KCNIP4: variants seen among roughly 807,000 people sequenced by gnomAD.
KCNIP4 encodes the protein potassium voltage-gated channel interacting protein 4, also known as Kv channel-interacting protein 4.
In KCNIP4, 12 loss-of-function variants were observed where a neutral mutation model predicts 34.0. The ratio of observed to expected loss-of-function variants is 0.35; its 90% confidence interval spans 0.23 to 0.57. KCNIP4 has a LOEUF of 0.57. KCNIP4 is among the 20% of genes least tolerant of loss of function. KCNIP4 has a pLI of 0.83. For missense variants in KCNIP4, 238 were observed against 311.7 expected (o/e 0.76, Z 1.78); for synonymous variants, 124 against 102.2 (o/e 1.21, Z -1.29).
intron 1 of KCNIP4, among the ~76,000 whole-genome samples, chr4:21,859,092 G>A (rs1465516687): frequency 6.6e-6 from 1 of 152,112 alleles, no homozygotes; most frequent in African/African-American, 2.4e-5. Context: ...ATCAGACATA[G>A]GACATAAGAC....
chr4:21,251,272 A>T (rs1760677162), intron 1 of KCNIP4, among the ~76,000 whole-genome samples: 1 of 152,212 alleles, frequency 6.6e-6, no homozygotes, highest in Non-Finnish European at 1.5e-5. Context: ...GGAAAATTAT[A>T]CAGGAGAGGA....
intron 4 of KCNIP4, among the ~76,000 whole-genome samples, chr4:20,756,091 T>G (rs1351122319): frequency 2.0e-5 from 3 of 151,782 alleles, no homozygotes; most frequent in Non-Finnish European, 4.4e-5. Flanking sequence ...GGAGGGGTCA[T>G]CAGAATCAGA....
intron 1 of KCNIP4, among the ~76,000 whole-genome samples, chr4:21,598,759 C>T (rs1223208305): frequency 6.6e-6 from 1 of 152,056 alleles, no homozygotes. Flanking sequence ...CACATGAGCA[C>T]CCTGGTTCTT....
intron 1 of KCNIP4, among the ~76,000 whole-genome samples, chr4:20,978,452 G>A (rs954060373): frequency 2.0e-5 from 3 of 152,116 alleles, no homozygotes; most frequent in Admixed American, 6.5e-5. Flanking sequence ...TAAACAGCAA[G>A]GATAACTGTA....
At chr4:20,917,326 C>G (rs1728953243) in intron 1 of KCNIP4, among the ~76,000 whole-genome samples, 1 of 151,900 alleles carries the variant, frequency 6.6e-6, no homozygotes, top group Non-Finnish European at 1.5e-5. Flanking sequence ...CCCGCCCCGG[C>G]CATGATTTAT....
intron 1 of KCNIP4, among the ~76,000 whole-genome samples, chr4:21,454,185 C>T (rs13128830): frequency 0.12 from 17,703 of 152,038 alleles, 1,214 homozygotes; most frequent in Non-Finnish European, 0.16. Context: ...CAATTGAAGA[C>T]GTGTCCCGAG....
At chr4:21,243,860 G>C (rs1348306795) in intron 1 of KCNIP4, among the ~76,000 whole-genome samples, 1 of 152,122 alleles carries the variant, frequency 6.6e-6, no homozygotes, top group African/African-American at 2.4e-5. Context: ...TCGGTGTTTG[G>C]AGAAAATTAA....
chr4:21,076,651 T>G (rs10010886), intron 1 of KCNIP4, among the ~76,000 whole-genome samples: 3,542 of 152,222 alleles, frequency 0.023, 122 homozygotes, highest in African/African-American at 0.08. Context: ...GGCCAACAAT[T>G]CGTATGTTAA....
intron 1 of KCNIP4, among the ~76,000 whole-genome samples, chr4:21,538,582 T>C (rs1227702866): frequency 1.3e-5 from 2 of 152,178 alleles, no homozygotes; most frequent in African/African-American, 4.8e-5. Context: ...AATGCATACA[T>C]CATGGGGTTC....
chr4:21,070,663 ATTTTTTTTTTTTTTTTTT>A (rs1203011253), intron 1 of KCNIP4, among the ~76,000 whole-genome samples: 4 of 49,616 alleles, frequency 8.1e-5, no homozygotes, highest in South Asian at 1.6e-3. Context: ...GAGTTTTGAG[ATTTTTTTTTTTTTTTTTT>A]TTTTTTTTTT....
At chr4:21,361,867 A>T (rs578255364) in intron 1 of KCNIP4, among the ~76,000 whole-genome samples, 1 of 152,232 alleles carries the variant, frequency 6.6e-6, no homozygotes, top group Admixed American at 6.5e-5. Flanking sequence ...AACTAAAATT[A>T]GCAGGAATTT....
chr4:21,863,491 C>T (rs1725227109), intron 1 of KCNIP4, among the ~76,000 whole-genome samples: 1 of 152,094 alleles, frequency 6.6e-6, no homozygotes, highest in South Asian at 2.1e-4. Context: ...ACAATCAGTG[C>T]CCTGCCGCTA....
At chr4:21,205,494 G>T (rs890442549) in intron 1 of KCNIP4, among the ~76,000 whole-genome samples, 4 of 152,184 alleles carry the variant, frequency 2.6e-5, no homozygotes, top group African/African-American at 9.7e-5. Context: ...ACTGTGACTA[G>T]ACCCGTTCTC....
At chr4:21,614,141 T>C (rs1459356423) in intron 1 of KCNIP4, among the ~76,000 whole-genome samples, 2 of 117,788 alleles carry the variant, frequency 1.7e-5, no homozygotes, top group Non-Finnish European at 3.8e-5. Context: ...CGAGACTCTA[T>C]CTCAAAAAAA....
chr4:20,941,909 A>G (rs1405945223), intron 1 of KCNIP4, among the ~76,000 whole-genome samples: 3 of 152,166 alleles, frequency 2.0e-5, no homozygotes, highest in Non-Finnish European at 2.9e-5. Flanking sequence ...GGCAGACCTG[A>G]CCCTAGGCAG....
At chr4:21,592,358 T>A (rs1392672476) in intron 1 of KCNIP4, among the ~76,000 whole-genome samples, 1 of 152,146 alleles carries the variant, frequency 6.6e-6, no homozygotes, top group African/African-American at 2.4e-5. Flanking sequence ...ATATATAAGA[T>A]ATCTCGTTTG....
In KCNIP4 at chr4:21,371,861, T is replaced by C. The variant is rs886971322; in HGVS notation, c.62-489152A>G. ...AATTCATCTAGACTAACCCTGGAGATAATATAAGAATCAAAATAGCTCTTA... is the reference window on the plus strand; with the variant it reads ...AATTCATCTAGACTAACCCTGGAGACAATATAAGAATCAAAATAGCTCTTA... On this transcript the variant is annotated intron_variant, in intron 1 of 8. Coordinates refer to ENST00000382152, the MANE Select transcript of KCNIP4 (RefSeq NM_025221.6). Among the ~76,000 whole-genome samples, 7 of 147,208 alleles carry C rather than the reference T, an allele frequency of 4.8e-5. 1 individual carries two copies. Among genetic ancestry groups the C allele is most frequent in the African/African-American group, 1.9e-4 (7 of 36,918 alleles).
chr4:20,962,277 T>C (rs1176453554), intron 1 of KCNIP4, among the ~76,000 whole-genome samples: 2 of 152,186 alleles, frequency 1.3e-5, no homozygotes, highest in East Asian at 1.9e-4. Flanking sequence ...TGACACCTAA[T>C]TGCACACAGC....
At chr4:21,780,193 AG>A (rs60083470) in intron 1 of KCNIP4, among the ~76,000 whole-genome samples, 13,879 of 152,180 alleles carry the variant, frequency 0.091, 672 homozygotes, top group Middle Eastern at 0.18. Context: ...AGATTCTGGA[AG>A]CAGGAAATTG....
Sources: gnomAD v4.1 joint callset for allele counts (sites outside exome capture counted in the v4.1 genomes callset) on GRCh38, gnomAD v4.1.1 for gene constraint, MANE v1.5 for transcripts, NCBI Gene and HGNC (gene_info 2026-07-23, HGNC 2026-07-21) for gene names.